ERC2: variants seen among roughly 807,000 people sequenced by gnomAD.
The protein encoded by ERC2 is ELKS/RAB6-interacting/CAST family member 2, also known as ERC protein 2.
ERC2 carries 42 observed loss-of-function variants against 114.8 expected under a neutral mutation model. That is an observed-to-expected ratio of 0.37 (90% CI 0.29 to 0.47). The LOEUF is 0.47. Ranked by LOEUF, ERC2 falls within the 20% of genes least tolerant of loss-of-function variation. The probability of loss-of-function intolerance (pLI) is 0.99; values close to 1 mark genes in which losing one functional copy is unlikely to be tolerated. For synonymous variants in ERC2, 454 were observed against 425.5 expected (o/e 1.07, Z -0.82); for missense variants, 939 against 1,150.7 (o/e 0.82, Z 2.66).
At chr3:56,174,578 G>C (rs1304798015) in intron 3 of ERC2, among the ~76,000 whole-genome samples, 3 of 152,090 alleles carry the variant, frequency 2.0e-5, no homozygotes, top group Non-Finnish European at 4.4e-5. Context: ...TTTTAAAAAA[G>C]GAGTTAAAAA....
intron 15 of ERC2, among the ~76,000 whole-genome samples, chr3:55,713,775 A>G (rs2063922530): frequency 6.6e-6 from 1 of 152,210 alleles, no homozygotes; most frequent in Non-Finnish European, 1.5e-5. Flanking sequence ...CAACCTGCCT[A>G]TTATAAAGCT....
chr3:55,775,848 T>C (rs2068566741), intron 14 of ERC2, among the ~76,000 whole-genome samples: 1 of 152,178 alleles, frequency 6.6e-6, no homozygotes, highest in African/African-American at 2.4e-5. Context: ...TTGAGATAAT[T>C]TGCTTTGTTT....
At chr3:55,858,869 A>C (rs537768991) in intron 14 of ERC2, among the ~76,000 whole-genome samples, 11 of 151,964 alleles carry the variant, frequency 7.2e-5, no homozygotes, top group African/African-American at 2.7e-4. Context: ...CAATCTACTC[A>C]CTTGCTGAGG....
intron 17 of ERC2, among the ~76,000 whole-genome samples, chr3:55,555,775 C>T (rs554353543): frequency 1.3e-5 from 2 of 152,320 alleles, no homozygotes; most frequent in South Asian, 2.1e-4. Flanking sequence ...AATCAGCAAC[C>T]TGTGCTCAGC....
chr3:56,063,909 TATACTC>T (rs2076352858), intron 7 of ERC2, among the ~76,000 whole-genome samples: 1 of 152,216 alleles, frequency 6.6e-6, no homozygotes, highest in Non-Finnish European at 1.5e-5. Context: ...TATCATTAAA[TATACTC>T]ATAAATATAC....
At chr3:56,368,908 G>A (rs2059257055) in intron 2 of ERC2, among the ~76,000 whole-genome samples, 1 of 152,144 alleles carries the variant, frequency 6.6e-6, no homozygotes, top group African/African-American at 2.4e-5. Context: ...GAAATTCTAA[G>A]GAGTCAATTC....
At chr3:55,685,911 A>C (rs578117473) in intron 16 of ERC2, among the ~76,000 whole-genome samples, 1 of 152,352 alleles carries the variant, frequency 6.6e-6, no homozygotes, top group South Asian at 2.1e-4. Flanking sequence ...TTTTGTTCCA[A>C]ATCCATTCCT....
chr3:55,662,480 GA>G (rs1390494137), intron 17 of ERC2, among the ~76,000 whole-genome samples: 1 of 152,206 alleles, frequency 6.6e-6, no homozygotes, highest in Non-Finnish European at 1.5e-5. Context: ...AGAAGAAGCT[GA>G]ATAATATAAT....
intron 17 of ERC2, among the ~76,000 whole-genome samples, chr3:55,575,022 GT>G (rs1343228051): frequency 6.6e-6 from 1 of 152,140 alleles, no homozygotes; most frequent in South Asian, 2.1e-4. Context: ...CTTTCTTTCT[GT>G]TTTTTTCTGA....
At chr3:55,723,708 T>C (rs773262519) in intron 15 of ERC2, among the ~76,000 whole-genome samples, 1 of 152,206 alleles carries the variant, frequency 6.6e-6, no homozygotes, top group Admixed American at 6.5e-5. Context: ...AAAATCCTGA[T>C]ACTATTATTT....
intron 3 of ERC2, among the ~76,000 whole-genome samples, chr3:56,184,582 A>C (rs982284922): frequency 6.6e-6 from 1 of 152,168 alleles, no homozygotes; most frequent in Non-Finnish European, 1.5e-5. Flanking sequence ...TCAGACTGAG[A>C]GAGTTAGGTA....
chr3:55,641,549 CAAAAAAAAAAAAAA>C (rs57407975), intron 17 of ERC2, among the ~76,000 whole-genome samples: 10 of 28,344 alleles, frequency 3.5e-4, no homozygotes, highest in South Asian at 2.9e-3. Flanking sequence ...GATTCTATCT[CAAAAAAAAAAAAAA>C]AAAAAAAAAA....
At chr3:56,261,025 G>A (rs375584677) in intron 3 of ERC2, among the ~76,000 whole-genome samples, 7 of 152,178 alleles carry the variant, frequency 4.6e-5, no homozygotes, top group East Asian at 1.9e-4. Flanking sequence ...AGAGTCACAC[G>A]CGACTGTAAC....
chr3:56,217,085 A>T (rs550307741), intron 3 of ERC2, among the ~76,000 whole-genome samples: 16 of 152,222 alleles, frequency 1.1e-4, no homozygotes, highest in African/African-American at 3.6e-4. Context: ...CTGGCACAAG[A>T]CAGGGATGCC....
At chr3:56,358,083 T>C (rs1300002112) in intron 2 of ERC2, among the ~76,000 whole-genome samples, 2 of 152,000 alleles carry the variant, frequency 1.3e-5, no homozygotes, top group Non-Finnish European at 2.9e-5. Context: ...TCCCTGTGGG[T>C]TGATATGTTT....
At chr3:55,619,573 G>A (rs913035713) in intron 17 of ERC2, among the ~76,000 whole-genome samples, 1 of 152,124 alleles carries the variant, frequency 6.6e-6, no homozygotes, top group Non-Finnish European at 1.5e-5. Context: ...TGAAACGTAC[G>A]ATAATAATAA....
At chr3:56,350,961 A>G (rs1188931335) in intron 2 of ERC2, among the ~76,000 whole-genome samples, 5 of 152,226 alleles carry the variant, frequency 3.3e-5, no homozygotes, top group African/African-American at 4.8e-5. Context: ...ACAAAAGCTT[A>G]GAGAGTTCAA....
chr3:55,512,660 A>T (rs780414572), intron 17 of ERC2, among the ~76,000 whole-genome samples: 4 of 152,212 alleles, frequency 2.6e-5, no homozygotes, highest in Non-Finnish European at 5.9e-5. Context: ...GATGTCCTTG[A>T]TGTTTTTCCA....
At chr3:55,817,376 C>G (rs2059942290) in intron 14 of ERC2, among the ~76,000 whole-genome samples, 1 of 152,202 alleles carries the variant, frequency 6.6e-6, no homozygotes, top group Non-Finnish European at 1.5e-5. Context: ...GGTGGGCAGC[C>G]CTCTGCTGCC....
Sources: gnomAD v4.1 joint callset for allele counts (sites outside exome capture counted in the v4.1 genomes callset) on GRCh38, gnomAD v4.1.1 for gene constraint, MANE v1.5 for transcripts, NCBI Gene and HGNC (gene_info 2026-07-23, HGNC 2026-07-21) for gene names.